SMYD3: variants seen among roughly 807,000 people sequenced by gnomAD.
The protein encoded by SMYD3 is histone-lysine N-methyltransferase SMYD3.
Under a neutral mutation model 57.7 loss-of-function variants are expected in SMYD3, and 36 were observed. The observed-to-expected ratio is 0.62, with a 90% CI of 0.48 to 0.82. SMYD3 has a LOEUF of 0.82. Ranked by LOEUF, SMYD3 falls within the 40% of genes least tolerant of loss-of-function variation. SMYD3 has a pLI of 0.00. For synonymous variants in SMYD3, 211 were observed against 195.0 expected, an observed-to-expected ratio of 1.08 and a Z score of -0.68; for missense variants, 515 against 538.8, an observed-to-expected ratio of 0.96 and a Z score of 0.44.
intron 10 of SMYD3, among the ~76,000 whole-genome samples, chr1:245,802,705 G>A (rs927928566): frequency 6.6e-6 from 1 of 152,128 alleles, no homozygotes; most frequent in African/African-American, 2.4e-5. Context: ...CTAAAATTCT[G>A]TGATTTCTTT....
At chr1:246,299,203 A>T (rs934055502) in intron 5 of SMYD3, among the ~76,000 whole-genome samples, 1 of 152,170 alleles carries the variant, frequency 6.6e-6, no homozygotes, top group African/African-American at 2.4e-5. Context: ...CTGGTTCATT[A>T]AATTTTAATG....
At chr1:246,423,947 T>A (rs2103000814) in intron 1 of SMYD3, among the ~76,000 whole-genome samples, 1 of 152,284 alleles carries the variant, frequency 6.6e-6, no homozygotes, top group South Asian at 2.1e-4. Context: ...AAGCCAGAAT[T>A]CTATATCTAG....
At chr1:246,485,703 T>C (rs1011631884) in intron 1 of SMYD3, among the ~76,000 whole-genome samples, 1 of 152,050 alleles carries the variant, frequency 6.6e-6, no homozygotes, top group East Asian at 1.9e-4. Flanking sequence ...GGTGGAAAGA[T>C]TGCTTGAGCC....
chr1:246,498,505 G>A (rs977103663), intron 1 of SMYD3, among the ~76,000 whole-genome samples: 22 of 152,068 alleles, frequency 1.4e-4, no homozygotes, highest in African/African-American at 5.3e-4. Context: ...AGGCCGAGGC[G>A]GGTGGATCAC....
At chr1:246,507,000 CCCAG>C in intron 1 of SMYD3, 50 bp downstream of exon 1, 10 of 1,139,158 alleles carry the variant, frequency 8.8e-6, no homozygotes, top group Non-Finnish European at 1.1e-5. Flanking sequence ...CCCCCCCCTC[CCCAG>C]CACCCCACAC....
chr1:246,235,441 T>C (rs2063499160), intron 5 of SMYD3, among the ~76,000 whole-genome samples: 1 of 152,204 alleles, frequency 6.6e-6, no homozygotes, highest in African/African-American at 2.4e-5. Context: ...GACTCTCAAA[T>C]TACTTATAAT....
At chr1:246,259,711 C>A (rs1000177920) in intron 5 of SMYD3, among the ~76,000 whole-genome samples, 6 of 152,202 alleles carry the variant, frequency 3.9e-5, no homozygotes, top group Non-Finnish European at 7.3e-5. Flanking sequence ...GGTCTGAGCT[C>A]CCTGCTCAGC....
intron 5 of SMYD3, among the ~76,000 whole-genome samples, chr1:246,104,772 TA>T (rs139530900): frequency 2.9e-4 from 43 of 150,276 alleles, no homozygotes; most frequent in South Asian, 8.4e-4. Flanking sequence ...CTCCCCATGA[TA>T]AAAAAAAAAT....
intron 5 of SMYD3, among the ~76,000 whole-genome samples, chr1:246,014,194 A>G (rs1417426937): frequency 1.3e-5 from 2 of 152,070 alleles, no homozygotes; most frequent in African/African-American, 4.8e-5. Context: ...ATGGTGGTGC[A>G]GCCTGTAATC....
At chr1:246,160,055 A>G (rs1461314673) in intron 5 of SMYD3, among the ~76,000 whole-genome samples, 1 of 152,184 alleles carries the variant, frequency 6.6e-6, no homozygotes, top group Non-Finnish European at 1.5e-5. Flanking sequence ...GAGAGGAGAC[A>G]CAATTATAAC....
At chr1:246,038,950 G>GA (rs766902697) in intron 5 of SMYD3, among the ~76,000 whole-genome samples, 1 of 151,952 alleles carries the variant, frequency 6.6e-6, no homozygotes, top group African/African-American at 2.4e-5. Flanking sequence ...AGACTTTCAG[G>GA]AAAAAAACAC....
rs543415652 is a variant in SMYD3, at chr1:245,774,845, G to C, written c.1077-10696C>G. Among the ~76,000 whole-genome samples the C allele has an allele frequency of 6.9e-3, 1,050 of 152,160 alleles. 11 individuals carry two copies. Among genetic ancestry groups the C allele is most frequent in the Admixed American group, 0.023 (347 of 15,282 alleles). ...CCTGCCGAGTGCCTGCGATTGCAGGGGTGCACCGCCACGCCTGACGGGTTT... is the reference window on the plus strand; with the variant it reads ...CCTGCCGAGTGCCTGCGATTGCAGGCGTGCACCGCCACGCCTGACGGGTTT... On this transcript the variant is annotated intron_variant, in intron 10 of 11. Transcript: ENST00000490107.
intron 5 of SMYD3, among the ~76,000 whole-genome samples, chr1:245,983,582 A>G (rs1230463970): frequency 1.3e-5 from 2 of 152,196 alleles, no homozygotes; most frequent in Non-Finnish European, 2.9e-5. Context: ...CCTGTGTGGG[A>G]GTGTTAATAA....
intron 10 of SMYD3, among the ~76,000 whole-genome samples, chr1:245,781,676 G>A (rs1234350589): frequency 6.6e-6 from 1 of 152,074 alleles, no homozygotes; most frequent in Non-Finnish European, 1.5e-5. Flanking sequence ...ATTCCATAGC[G>A]ACCATTAAAG....
At chr1:246,176,665 G>T (rs1242491438) in intron 5 of SMYD3, among the ~76,000 whole-genome samples, 1 of 152,164 alleles carries the variant, frequency 6.6e-6, no homozygotes, top group African/African-American at 2.4e-5. Context: ...TGGGCCCACA[G>T]GTGCGTGCCA....
chr1:246,260,268 A>G (rs1203073841), intron 5 of SMYD3, among the ~76,000 whole-genome samples: 1 of 151,990 alleles, frequency 6.6e-6, no homozygotes, highest in African/African-American at 2.4e-5. Context: ...AGGTGCTCCA[A>G]ATGCCTGGAG....
chr1:245,849,336 T>C (rs1487735394), intron 10 of SMYD3, among the ~76,000 whole-genome samples: 1 of 152,152 alleles, frequency 6.6e-6, no homozygotes, highest in East Asian at 1.9e-4. Flanking sequence ...TTGGTGAAAG[T>C]CAAATGGAGG....
In SMYD3 at chr1:246,011,683, C is replaced by A. The variant is rs537737214; in HGVS notation, c.532-81746G>T. 5.3e-5 allele frequency among the ~76,000 whole-genome samples: 8 copies of A among 152,190 alleles called. No homozygotes were observed. In the East Asian group the frequency reaches 1.5e-3, roughly 29 times the overall value. The stretch of plus-strand genomic sequence containing the variant: ...ACCACTAACTTATGCCATGGTAATT[C>A]ACATAGGAGAATGGCATAACTAATT... On this transcript the variant is annotated intron_variant, in intron 5 of 11. Coordinates refer to ENST00000490107, the MANE Select transcript of SMYD3 (RefSeq NM_001167740.2).
chr1:245,952,402 C>A (rs1171653014), intron 5 of SMYD3, among the ~76,000 whole-genome samples: 1 of 151,788 alleles, frequency 6.6e-6, no homozygotes, highest in African/African-American at 2.4e-5. Context: ...TGAGAATTAC[C>A]GATTGTAATA....
Sources: gnomAD v4.1 joint callset for allele counts (sites outside exome capture counted in the v4.1 genomes callset) on GRCh38, gnomAD v4.1.1 for gene constraint, MANE v1.5 for transcripts, NCBI Gene and HGNC (gene_info 2026-07-23, HGNC 2026-07-21) for gene names.